The following CAP1 variants were observed in gnomAD, a reference collection of about 807,000 sequenced individuals.
The protein encoded by CAP1 is adenylyl cyclase-associated protein 1.
Under a neutral mutation model 58.2 loss-of-function variants are expected in CAP1, and 11 were observed. The ratio of observed to expected loss-of-function variants is 0.19; its 90% CI spans 0.12 to 0.31. CAP1 has a LOEUF of 0.31. Among genes scored for constraint, CAP1 ranks in the 10% least tolerant of loss-of-function variants. CAP1 has a pLI of 1.00. For synonymous variants in CAP1, 183 were observed against 213.8 expected (o/e 0.86, Z 1.26); for missense variants, 423 against 587.5 (o/e 0.72, Z 2.89).
chr1:40,053,599 C>T (rs767269014), intron 1 of CAP1, among the ~76,000 whole-genome samples: 150 of 151,894 alleles, frequency 9.9e-4, no homozygotes, highest in Non-Finnish European at 1.7e-3. Flanking sequence ...AGGCATGCAC[C>T]GCTACTCCAG....
At position 40,071,663 on chromosome 1, in the gene CAP1, A is replaced by G; in HGVS notation, c.*130A>G. 1.6e-6 allele frequency: 1 copy of G among 624,092 alleles called. No homozygotes were observed. Among genetic ancestry groups the G allele is most frequent in the Non-Finnish European group, 2.8e-6 (1 of 350,896 alleles). The allele number at this position is 624,092 out of a possible 1,614,324, so 38.7% of individuals were successfully genotyped here. A position where few individuals can be genotyped will look rare whatever the true frequency, so the allele number is the denominator to read the frequency against. On this transcript the variant is annotated 3_prime_UTR_variant, in exon 13 of 13. Coordinates refer to ENST00000372805, the MANE Select transcript of CAP1 (RefSeq NM_006367.4). Reference sequence around the variant, plus strand: ...CTTCTCTGCTCTGAGAAGCACAGCTACCTGCCTTCACTGAAATATACCTCA... The same window carrying G: ...CTTCTCTGCTCTGAGAAGCACAGCTGCCTGCCTTCACTGAAATATACCTCA...
intron 1 of CAP1, among the ~76,000 whole-genome samples, chr1:40,043,762 A>G (rs949824953): frequency 6.6e-6 from 1 of 152,078 alleles, no homozygotes; most frequent in African/African-American, 2.4e-5. Flanking sequence ...CTGTAGTCCC[A>G]GCTACTTGGG....
rs766731752 is a variant in CAP1, at chr1:40,069,714, T to C, written c.833T>C (p.Met278Thr). ...GCCCTGAAACATGTATCTGATGACA[T>C]GAAGACTCACAAGAACCCTGCCCTG... ...THALKHVSDD[M>T]KTHKNPALKA... is the part of the protein sequence containing the mutation. The change falls in exon 9 of 13, where the codon ATG becomes ACG. Residue 278 changes from methionine (M) to threonine (T), a missense_variant. Transcript: ENST00000372805. 1.1e-5 allele frequency: 17 copies of C among 1,613,576 alleles called. No homozygotes were observed. The highest frequency in any genetic ancestry group is 2.7e-5 in the African/African-American group (2 of 74,876).
At chr1:40,042,132 C>T (rs565033082) in intron 1 of CAP1, among the ~76,000 whole-genome samples, 1 of 152,348 alleles carries the variant, frequency 6.6e-6, no homozygotes, top group Non-Finnish European at 1.5e-5. Flanking sequence ...CCACCTCGGC[C>T]TCCCAAAGTG....
intron 1 of CAP1, among the ~76,000 whole-genome samples, chr1:40,049,015 G>C (rs764891377): frequency 6.6e-6 from 1 of 151,972 alleles, no homozygotes; most frequent in Admixed American, 6.6e-5. Flanking sequence ...AGAAATTCAT[G>C]CTACTGTCTT....
Position 40,060,088 on chromosome 1 carries a change from A to C in CAP1, c.134A>C (p.Gln45Pro), listed in dbSNP as rs761056210. Residue 45 changes from glutamine (Q) to proline (P), a missense_variant, in exon 3 of 13, where the codon CAG becomes CCG. By Grantham distance (76) the Gln-to-Pro change is moderately conservative. Transcript: ENST00000372805. ...PSKAGAAPYV[Q>P]AFDSLLAGPV... ...TTAGCAGGAGCAGCTCCATATGTGC[A>C]GGCATTTGACTCGCTGCTTGCTGGT... The C allele has an allele frequency of 6.6e-5, 106 of 1,613,420 alleles. No individual in the cohort carries two copies. The highest frequency in any genetic ancestry group is 9.0e-5 in the Non-Finnish European group (106 of 1,179,744).
At chr1:40,049,501 G>A (rs750139763) in intron 1 of CAP1, among the ~76,000 whole-genome samples, 1 of 151,982 alleles carries the variant, frequency 6.6e-6, no homozygotes, top group Admixed American at 6.6e-5. Context: ...CTGAGCCACT[G>A]CGCCAGGCCT....
intron 1 of CAP1, among the ~76,000 whole-genome samples, chr1:40,049,559 CAT>C (rs1351581039): frequency 6.6e-6 from 1 of 152,052 alleles, no homozygotes; most frequent in African/African-American, 2.4e-5. Flanking sequence ...GAATCAAGCT[CAT>C]AGTTTCTTTT....
At position 40,066,207 on chromosome 1, in the gene CAP1, C is replaced by G; in HGVS notation, c.525-8C>G. On this transcript the variant is annotated splice_region_variant and splice_polypyrimidine_tract_variant and intron_variant, in intron 6 of 12. Coordinates refer to ENST00000372805, the MANE Select transcript of CAP1 (RefSeq NM_006367.4). ...CACCTGTGACAAGTTCTTCTTTAAT[C>G]CTCCCAGGGATAAGAAGCATGTAGA... 6.7e-7 allele frequency: 1 copy of G among 1,501,006 alleles called. No individual in the cohort carries two copies. The highest frequency in any genetic ancestry group is 9.3e-7 in the Non-Finnish European group (1 of 1,078,588). 93.0% of individuals were successfully genotyped at this position (1,501,006 alleles called of 1,614,324 possible). A position where few individuals can be genotyped will look rare whatever the true frequency, so the allele number is the denominator to read the frequency against.
At position 40,070,243 on chromosome 1, in the gene CAP1, A is replaced by G. The variant is rs1197710582; in HGVS notation, c.1078A>G (p.Thr360Ala). The G allele has an allele frequency of 6.2e-7, 1 of 1,614,246 alleles. No homozygotes were observed. Among genetic ancestry groups the G allele is most frequent in the African/African-American group, 1.3e-5 (1 of 75,068 alleles). Residue 360 changes from threonine to alanine, a missense_variant, in exon 10 of 13, where the codon ACA becomes GCA. By Grantham distance (58) the Thr-to-Ala change is moderately conservative. Coordinates refer to ENST00000372805, the MANE Select transcript of CAP1 (RefSeq NM_006367.4). ...TTACATATACAAGTGTGTCAACACG[A>G]CATTGCAAATCAAGGGCAAAATTAA... Reference protein sequence around the residue: ...VAYIYKCVNTTLQIKGKINSI... With the variant: ...VAYIYKCVNTALQIKGKINSI...
chr1:40,056,300 A>ATTT (rs58942588), intron 1 of CAP1, among the ~76,000 whole-genome samples: 4,233 of 146,794 alleles, frequency 0.029, 188 homozygotes, highest in African/African-American at 0.094. Flanking sequence ...TGAAAGCTGG[A>ATTT]TTTTTTTTTT....
In CAP1 at chr1:40,071,751, A is replaced by G. The variant is rs554642288; in HGVS notation, c.*218A>G. ...TTCTGCAGGAAGGTGCAGCTTTTCC[A>G]TATCAGCTCAACCACGCCGCCAGTC... On this transcript the variant is annotated 3_prime_UTR_variant, in exon 13 of 13. Coordinates refer to ENST00000372805, the MANE Select transcript of CAP1 (RefSeq NM_006367.4). The G allele has an allele frequency of 1.1e-5, 6 of 558,226 alleles. No homozygotes were observed. The highest frequency in any genetic ancestry group is 3.8e-5 in the African/African-American group (2 of 53,128). 34.6% of individuals were successfully genotyped at this position (558,226 alleles called of 1,614,324 possible).
intron 11 of CAP1, 152 bp downstream of exon 11, chr1:40,070,664 TCAAG>T (rs1647747573): frequency 3.3e-6 from 3 of 911,356 alleles, no homozygotes; most frequent in Non-Finnish European, 5.1e-6. Flanking sequence ...GGTTGGCTCT[TCAAG>T]CAAGTTCTTT....
At chr1:40,054,422 C>T (rs986441862) in intron 1 of CAP1, among the ~76,000 whole-genome samples, 4 of 152,018 alleles carry the variant, frequency 2.6e-5, no homozygotes, top group Non-Finnish European at 4.4e-5. Context: ...GCAATCCACC[C>T]GTCTCGGCCT....
At chr1:40,052,219 A>T (rs1431876304) in intron 1 of CAP1, among the ~76,000 whole-genome samples, 3 of 152,144 alleles carry the variant, frequency 2.0e-5, no homozygotes, top group Admixed American at 2.0e-4. Context: ...TGAAGTGATT[A>T]CTCGTATCTA....
chr1:40,046,181 C>T (rs887333403), intron 1 of CAP1, among the ~76,000 whole-genome samples: 3 of 152,108 alleles, frequency 2.0e-5, no homozygotes, highest in Admixed American at 6.6e-5. Context: ...ATAGGCTGGG[C>T]GTGGTGATTC....
At chr1:40,050,250 G>A (rs1646293484) in intron 1 of CAP1, among the ~76,000 whole-genome samples, 1 of 151,712 alleles carries the variant, frequency 6.6e-6, no homozygotes, top group African/African-American at 2.4e-5. Context: ...CTTAGGACAG[G>A]GAGACTATTT....
chr1:40,068,303 G>T (rs1266995099), intron 8 of CAP1, among the ~76,000 whole-genome samples: 3 of 151,920 alleles, frequency 2.0e-5, no homozygotes, highest in Non-Finnish European at 4.4e-5. Flanking sequence ...ACGGAGTTTT[G>T]CTCGTTTCCC....
chr1:40,049,031 C>T (rs1026634073), intron 1 of CAP1, among the ~76,000 whole-genome samples: 1 of 152,038 alleles, frequency 6.6e-6, no homozygotes, highest in Admixed American at 6.6e-5. Flanking sequence ...GTCTTAATTG[C>T]CTGGTGGGAT....
Sources: allele counts gnomAD v4.1 joint callset (sites outside exome capture counted in the v4.1 genomes callset), GRCh38; gene constraint gnomAD v4.1.1; transcripts MANE v1.5; gene names NCBI Gene and HGNC (gene_info 2026-07-23, HGNC 2026-07-21).